Variants in PPM1H observed in about 807,000 individuals in gnomAD.
PPM1H encodes the protein protein phosphatase, Mg2+/Mn2+ dependent 1H.
In PPM1H, 27 loss-of-function variants were observed where a neutral mutation model predicts 54.9. The observed-to-expected ratio is 0.49, with a 90% CI of 0.36 to 0.68. PPM1H has a LOEUF of 0.68. PPM1H is among the 30% of genes least tolerant of loss of function. The pLI, the probability that PPM1H is intolerant of heterozygous loss-of-function variation, is 0.00. For synonymous variants in PPM1H, 305 were observed against 270.8 expected, an observed-to-expected ratio of 1.13 and a Z score of -1.24; for missense variants, 596 against 667.8, an observed-to-expected ratio of 0.89 and a Z score of 1.19.
chr12:62,793,596 T>G (rs2076712654), intron 3 of PPM1H, among the ~76,000 whole-genome samples: 1 of 151,890 alleles, frequency 6.6e-6, no homozygotes, highest in Admixed American at 6.6e-5. Context: ...TGATGGCGCA[T>G]GCTTGTAACC....
At position 62,934,186 on chromosome 12, in the gene PPM1H, T is replaced by C. The variant is rs1013051092; in HGVS notation, c.245+306A>G. 8 of 342,638 alleles carry C rather than the reference T, an allele frequency of 2.3e-5. No individual in the cohort carries two copies. The highest frequency in any genetic ancestry group is 9.0e-5 in the South Asian group (1 of 11,054). The allele number at this position is 342,638 out of a possible 1,614,324, so 21.2% of individuals were successfully genotyped here. ...TCAGAGCTTTTCTGCCCGTTTTTTTTCCCCAAGTGACAGAGACCCCGGATT... is the reference window on the plus strand; with the variant it reads ...TCAGAGCTTTTCTGCCCGTTTTTTTCCCCCAAGTGACAGAGACCCCGGATT... On this transcript the variant is annotated intron_variant, in intron 1 of 9. Coordinates refer to ENST00000228705, the MANE Select transcript of PPM1H (RefSeq NM_020700.2). This position sits in a 1 kb window ranked among gnomAD's most constrained non-coding sequence, Gnocchi z 4.2.
intron 4 of PPM1H, among the ~76,000 whole-genome samples, chr12:62,770,932 G>T (rs1390773808): frequency 6.6e-6 from 1 of 152,082 alleles, no homozygotes; most frequent in Non-Finnish European, 1.5e-5. Context: ...CCAGCACAGA[G>T]GGTCAGGGCA....
intron 8 of PPM1H, among the ~76,000 whole-genome samples, chr12:62,683,081 A>ATTG (rs2076031920): frequency 8.5e-6 from 1 of 117,858 alleles, no homozygotes; most frequent in Non-Finnish European, 1.8e-5. Context: ...TATTATTATT[A>ATTG]TTATTTTTGT....
Position 62,825,962 on chromosome 12 carries a change from T to C in PPM1H, c.411+6152A>G, listed in dbSNP as rs149083483. 4.9e-3 allele frequency among the ~76,000 whole-genome samples: 739 copies of C among 152,154 alleles called. 6 individuals carry two copies. Among genetic ancestry groups the C allele is most frequent in the African/African-American group, 0.017 (695 of 41,502 alleles). ...GCTCAAACACAGGAAATGACATTCCTTCAGTAAATGCCTCATGGAAGCTGG... is the reference window on the plus strand; with the variant it reads ...GCTCAAACACAGGAAATGACATTCCCTCAGTAAATGCCTCATGGAAGCTGG... On this transcript the variant is annotated intron_variant, in intron 2 of 9. Transcript: ENST00000228705.
At chr12:62,669,408 G>A (rs570951696) in intron 8 of PPM1H, among the ~76,000 whole-genome samples, 9 of 152,270 alleles carry the variant, frequency 5.9e-5, no homozygotes, top group African/African-American at 1.2e-4. Context: ...ATTCAGTTCC[G>A]GGTGGGCTTG....
At chr12:62,684,403 G>T (rs11174601) in intron 8 of PPM1H, among the ~76,000 whole-genome samples, 14,964 of 152,216 alleles carry the variant, frequency 0.098, 1,205 homozygotes, top group African/African-American at 0.21. Flanking sequence ...CTTGTGTTCA[G>T]CGAAACTGAA....
intron 8 of PPM1H, among the ~76,000 whole-genome samples, chr12:62,670,415 T>A (rs555089788): frequency 6.6e-6 from 1 of 152,248 alleles, no homozygotes; most frequent in Non-Finnish European, 1.5e-5. Flanking sequence ...AACAGGAGAT[T>A]CCATTTGCCT....
chr12:62,830,126 G>A (rs2120849417), intron 2 of PPM1H, among the ~76,000 whole-genome samples: 1 of 152,302 alleles, frequency 6.6e-6, no homozygotes, highest in South Asian at 2.1e-4. Context: ...AATCACTAAC[G>A]CTTATTACAG....
intron 1 of PPM1H, among the ~76,000 whole-genome samples, chr12:62,885,434 G>A (rs1009738312): frequency 2.0e-5 from 3 of 152,240 alleles, no homozygotes; most frequent in Middle Eastern, 3.4e-3. Flanking sequence ...ATTAGGTCAG[G>A]CCCACCTGGG....
intron 1 of PPM1H, among the ~76,000 whole-genome samples, chr12:62,882,941 T>A (rs1201684025): frequency 1.4e-4 from 22 of 152,062 alleles, no homozygotes; most frequent in African/African-American, 5.3e-4. Context: ...GCCCCATCTG[T>A]TTAGCAAAGG....
intron 2 of PPM1H, among the ~76,000 whole-genome samples, chr12:62,817,976 T>G (rs1313118996): frequency 6.6e-6 from 1 of 152,200 alleles, no homozygotes; most frequent in African/African-American, 2.4e-5. Flanking sequence ...CCACACACTT[T>G]GATGTGTTTT....
intron 1 of PPM1H, among the ~76,000 whole-genome samples, chr12:62,880,984 A>T (rs1225169990): frequency 6.6e-6 from 1 of 152,132 alleles, no homozygotes; most frequent in Non-Finnish European, 1.5e-5. Flanking sequence ...GAACTTCAGC[A>T]AGCCACAGAA....
intron 1 of PPM1H, among the ~76,000 whole-genome samples, chr12:62,912,676 G>A (rs763452230): frequency 9.9e-5 from 15 of 152,112 alleles, no homozygotes; most frequent in Admixed American, 9.2e-4. Flanking sequence ...TAAGACAAAC[G>A]CAGGTATTAA....
intron 8 of PPM1H, among the ~76,000 whole-genome samples, chr12:62,668,727 G>A (rs970460508): frequency 1.3e-5 from 2 of 152,206 alleles, no homozygotes; most frequent in South Asian, 2.1e-4. Context: ...ATGGGTCAGG[G>A]CACATGTCCT....
chr12:62,659,394 A>AT (rs1172319457), intron 9 of PPM1H, among the ~76,000 whole-genome samples: 1 of 152,068 alleles, frequency 6.6e-6, no homozygotes. Context: ...AGGACTTAAG[A>AT]TACACCAGGG....
chr12:62,775,117 T>C (rs1156309129), intron 4 of PPM1H, among the ~76,000 whole-genome samples: 2 of 152,212 alleles, frequency 1.3e-5, no homozygotes, highest in African/African-American at 4.8e-5. Flanking sequence ...CTGCGCTGGA[T>C]TGATAGAGGG....
chr12:62,816,679 G>A (rs1395383222), intron 2 of PPM1H, among the ~76,000 whole-genome samples: 3 of 151,576 alleles, frequency 2.0e-5, no homozygotes, highest in Non-Finnish European at 4.4e-5. Context: ...ATACCAGCAA[G>A]GCACTAAAAT....
At chr12:62,776,422 C>CT (rs1309970249) in intron 4 of PPM1H, among the ~76,000 whole-genome samples, 1 of 152,186 alleles carries the variant, frequency 6.6e-6, no homozygotes, top group Admixed American at 6.5e-5. Context: ...ATGTGCCTTG[C>CT]TCATTATCTG....
chr12:62,854,778 T>A, intron 1 of PPM1H, among the ~76,000 whole-genome samples: 1 of 152,020 alleles, frequency 6.6e-6, no homozygotes, highest in East Asian at 1.9e-4. Flanking sequence ...AATAGGTAAA[T>A]GTTTGTCACT....
Sources: allele counts gnomAD v4.1 joint callset (sites outside exome capture counted in the v4.1 genomes callset), GRCh38; gene constraint gnomAD v4.1.1; non-coding constraint Gnocchi (gnomAD v3.1); transcripts MANE v1.5; gene names NCBI Gene and HGNC (gene_info 2026-07-23, HGNC 2026-07-21).